Variants in FMN2 observed in about 807,000 individuals in gnomAD.
FMN2 encodes formin 2, also known as formin-2.
In FMN2, 51 loss-of-function variants were observed where a neutral mutation model predicts 142.3. The ratio of observed to expected loss-of-function variants is 0.36; its 90% confidence interval spans 0.29 to 0.45. FMN2 has a LOEUF of 0.45. Ranked by LOEUF, FMN2 falls within the 20% of genes least tolerant of loss-of-function variation. FMN2 has a pLI of 1.00. For missense variants in FMN2, 1,936 were observed against 2,122.8 expected (o/e 0.91, Z 1.73); for synonymous variants, 882 against 869.8 (o/e 1.01, Z -0.25).
Position 240,329,154 on chromosome 1 carries a change from G to T in FMN2, c.4294G>T (p.Asp1432Tyr). Residue 1432 changes from aspartate (D) to tyrosine (Y), a missense_variant, in exon 9 of 18, where the codon GAC becomes TAC. Asp to Tyr is a radical substitution (Grantham distance 160, BLOSUM62 -3). Coordinates refer to ENST00000319653, the MANE Select transcript of FMN2 (RefSeq NM_020066.5). ...SKDKENAKSL[D>Y]KPEQFLYELS... ...AGACAAGGAAAATGCCAAGTCTCTG[G>T]ACAAACCTGAACAGTAAGCATGTCT... The T allele has an allele frequency of 6.2e-7, 1 of 1,614,096 alleles. No homozygotes were observed. The highest frequency in any genetic ancestry group is 1.1e-5 in the South Asian group (1 of 91,080).
At chr1:240,416,262 C>CT (rs11417639) in intron 15 of FMN2, among the ~76,000 whole-genome samples, 101,487 of 134,914 alleles carry the variant, frequency 0.75, 39,640 homozygotes, top group South Asian at 0.85. Flanking sequence ...CCTTTCCACT[C>CT]TTTTTTTTTT....
chr1:240,148,849 G>A lies in FMN2; in HGVS notation c.1782+25504G>A, dbSNP rs371944050. On this transcript the variant is annotated intron_variant, in intron 2 of 17. Coordinates refer to ENST00000319653, the MANE Select transcript of FMN2 (RefSeq NM_020066.5). ...TAGCCGGGCATGGTGACGAGTGCCT[G>A]TAGTCCCAGCTACTCAGGAGGCTGA... is the stretch of plus-strand genomic sequence containing the variant. Among the ~76,000 whole-genome samples, 174 of 152,194 alleles carry A rather than the reference G, an allele frequency of 1.1e-3. 4 individuals are homozygous for A. The South Asian group carries it at 0.027, about 24-fold the overall frequency.
chr1:240,202,379 C>T (rs1666158772), intron 4 of FMN2, among the ~76,000 whole-genome samples: 1 of 152,160 alleles, frequency 6.6e-6, no homozygotes, highest in Admixed American at 6.6e-5. Flanking sequence ...TTACCACTAA[C>T]TTGGGTGCCA....
At chr1:240,148,222 A>G (rs983744672) in intron 2 of FMN2, among the ~76,000 whole-genome samples, 2 of 147,932 alleles carry the variant, frequency 1.4e-5, no homozygotes, top group African/African-American at 2.6e-5. Flanking sequence ...AGACAGAGAC[A>G]GAGAGACAGA....
intron 8 of FMN2, among the ~76,000 whole-genome samples, chr1:240,306,611 G>C (rs1183612512): frequency 6.6e-6 from 1 of 152,152 alleles, no homozygotes; most frequent in Non-Finnish European, 1.5e-5. Context: ...AGCATTCCGT[G>C]GGGTATATGT....
chr1:240,256,048 G>A lies in FMN2; in HGVS notation c.4066-1897G>A, dbSNP rs147345415. On this transcript the variant is annotated intron_variant, in intron 6 of 17. Coordinates refer to ENST00000319653, the MANE Select transcript of FMN2 (RefSeq NM_020066.5). ...GTGTGATCAACATGTCAATACTATAGGGAGGTCGAATGATAGATGGATTGA... is the reference window on the plus strand; with the variant it reads ...GTGTGATCAACATGTCAATACTATAAGGAGGTCGAATGATAGATGGATTGA... 2.9e-4 allele frequency among the ~76,000 whole-genome samples: 44 copies of A among 152,276 alleles called. No homozygotes were observed. The South Asian group carries it at 5.6e-3, about 19-fold the overall frequency.
Position 240,438,197 on chromosome 1 carries a change from C to A in FMN2, c.5047C>A (p.Leu1683Ile), listed in dbSNP as rs574318075. ...CTTCTGGAAGAAAGAGAACAAACTT[C>A]TTCTACAAGAGAGGTAGGTATTTTC... The part of the protein sequence containing the change: ...KDFWKKENKL[L>I]LQERVKEAEE... The change falls in exon 16 of 18, where the codon CTT becomes ATT. Residue 1683 changes from leucine (L) to isoleucine (I), a missense_variant. Physicochemically the swap from Leu to Ile is conservative, Grantham distance 5 (BLOSUM62 2). Around this residue, in one of 8 missense-constraint regions of FMN2, gnomAD observed 322 missense variants for 401.6 expected, o/e 0.80. Transcript: ENST00000319653. 7 of 1,613,150 alleles carry A rather than the reference C, an allele frequency of 4.3e-6. No individual in the cohort carries two copies. The South Asian group carries it at 5.5e-5, about 13-fold the overall frequency.
At position 240,172,215 on chromosome 1, in the gene FMN2, C is replaced by CACAA. The variant is rs1553336373; in HGVS notation, c.1783-5703_1783-5702insAACA. The stretch of plus-strand genomic sequence containing the variant: ...ACACATACACATACACACACACACA[C>CACAA]ACAGAAAAAGACATTTATGGATGGT... On this transcript the variant is annotated intron_variant, in intron 2 of 17. Coordinates refer to ENST00000319653, the MANE Select transcript of FMN2 (RefSeq NM_020066.5). Among the ~76,000 whole-genome samples the CACAA allele has an allele frequency of 2.0e-3, 308 of 152,120 alleles. 2 individuals carry two copies. The highest frequency in any genetic ancestry group is 7.3e-3 in the African/African-American group (303 of 41,456).
intron 11 of FMN2, 31 bp downstream of exon 11, chr1:240,330,780 C>A: frequency 1.3e-6 from 2 of 1,599,690 alleles, no homozygotes; most frequent in East Asian, 2.2e-5. Flanking sequence ...GACGTAAGCA[C>A]ATTGAGGAGT....
chr1:240,231,764 T>C (rs141557997), intron 6 of FMN2, among the ~76,000 whole-genome samples: 99 of 152,354 alleles, frequency 6.5e-4, no homozygotes, highest in African/African-American at 2.3e-3. Flanking sequence ...CAAGCTTCTT[T>C]GGGTTTATGT....
intron 14 of FMN2, among the ~76,000 whole-genome samples, chr1:240,361,621 C>T (rs997978626): frequency 1.3e-5 from 2 of 152,082 alleles, no homozygotes; most frequent in African/African-American, 4.8e-5. Flanking sequence ...AGTGGGGGTA[C>T]TAATCACTGA....
chr1:240,222,141 T>C (rs575135761), intron 6 of FMN2, among the ~76,000 whole-genome samples: 117 of 152,124 alleles, frequency 7.7e-4, no homozygotes, highest in African/African-American at 2.8e-3. Context: ...TTTAAGTCTT[T>C]AATCCATCTT....
chr1:240,120,461 G>A (rs1296743496), intron 1 of FMN2, among the ~76,000 whole-genome samples: 1 of 152,094 alleles, frequency 6.6e-6, no homozygotes, highest in Non-Finnish European at 1.5e-5. Context: ...TTCCAGTTCT[G>A]ACTATGATAT....
intron 13 of FMN2, among the ~76,000 whole-genome samples, chr1:240,351,081 C>A (rs1043953917): frequency 1.3e-5 from 2 of 152,162 alleles, no homozygotes; most frequent in Non-Finnish European, 2.9e-5. Flanking sequence ...GAGAAGAAAT[C>A]TATCCTCAAA....
intron 6 of FMN2, among the ~76,000 whole-genome samples, chr1:240,223,831 T>A (rs1021004947): frequency 2.2e-4 from 33 of 152,278 alleles, no homozygotes; most frequent in Middle Eastern, 6.8e-3. Flanking sequence ...AGTGGTGATA[T>A]CCCCTTTATC....
intron 6 of FMN2, among the ~76,000 whole-genome samples, chr1:240,242,587 A>T (rs140138090): frequency 6.6e-6 from 1 of 152,322 alleles, no homozygotes; most frequent in African/African-American, 2.4e-5. Context: ...CAGGAGACAC[A>T]GCTCTCCAAA....
At chr1:240,111,552 G>A (rs1454167089) in intron 1 of FMN2, among the ~76,000 whole-genome samples, 1 of 152,086 alleles carries the variant, frequency 6.6e-6, no homozygotes, top group Non-Finnish European at 1.5e-5. Flanking sequence ...CATGGCACTG[G>A]TGGGAGTGTA....
chr1:240,158,816 T>C (rs537945623), intron 2 of FMN2, among the ~76,000 whole-genome samples: 13 of 152,334 alleles, frequency 8.5e-5, no homozygotes, highest in South Asian at 4.1e-4. Context: ...ATATTGCTAA[T>C]GTAATATTTC....
In FMN2 at chr1:240,093,070, A is replaced by G. The variant is rs574272337; in HGVS notation, c.961A>G (p.Thr321Ala). 1.4e-6 allele frequency: 2 copies of G among 1,394,570 alleles called. No homozygotes were observed. Among genetic ancestry groups the G allele is most frequent in the Admixed American group, 3.6e-5 (1 of 27,660 alleles). The allele number at this position is 1,394,570 out of a possible 1,614,324, so 86.4% of individuals were successfully genotyped here. ...CGCGGCCAAAGACTCGCCCTCCTCC[A>G]CGGCTTTCCCATTTCCCGAGGCCGG... The part of the protein sequence containing the change: ...QPAAKDSPSS[T>A]AFPFPEAGPG... The change falls in exon 1 of 18, where the codon ACG becomes GCG. Residue 321 changes from threonine (T) to alanine (A), a missense_variant. This residue lies in a region of FMN2 where 751 missense variants were observed against 791.8 expected (regional missense o/e 0.95). Transcript: ENST00000319653.
Sources: allele counts gnomAD v4.1 joint callset (sites outside exome capture counted in the v4.1 genomes callset), GRCh38; gene constraint gnomAD v4.1.1; regional missense constraint gnomAD v4.1.1; transcripts MANE v1.5; gene names NCBI Gene and HGNC (gene_info 2026-07-23, HGNC 2026-07-21).